The following UACA variants were observed in gnomAD, a reference collection of about 807,000 sequenced individuals.
UACA encodes the protein uveal autoantigen with coiled-coil domains and ankyrin repeats.
In UACA, 112 loss-of-function variants were observed where a neutral mutation model predicts 160.5. That is an observed-to-expected ratio of 0.70 (90% CI 0.60 to 0.82). The LOEUF is 0.82. UACA is among the 40% of genes least tolerant of loss of function. UACA has a pLI of 0.00. For synonymous variants in UACA, 557 were observed against 568.4 expected (o/e 0.98, Z 0.29); for missense variants, 1,574 against 1,614.6 (o/e 0.97, Z 0.43).
intron 1 of UACA, among the ~76,000 whole-genome samples, chr15:70,724,084 C>G (rs551166580): frequency 1.3e-5 from 2 of 152,202 alleles, no homozygotes; most frequent in Admixed American, 6.5e-5. Flanking sequence ...TGTCTCCCCC[C>G]ACTTTTCTGT....
rs150509680 is a variant in UACA at position 70,697,042 on chromosome 15, T to C, written c.213-1937A>G. On this transcript the variant is annotated intron_variant, in intron 2 of 18. Coordinates refer to ENST00000322954, the MANE Select transcript of UACA (RefSeq NM_018003.4). Reference sequence around the variant, plus strand: ...ATATGAAAAATTGCTTTATAAAAAATACTATTTTGCAATTTAAAAATCAAC... The same window carrying C: ...ATATGAAAAATTGCTTTATAAAAAACACTATTTTGCAATTTAAAAATCAAC... Among the ~76,000 whole-genome samples, 651 of 152,328 alleles carry C rather than the reference T, an allele frequency of 4.3e-3. 7 individuals carry two copies. Among genetic ancestry groups the C allele is most frequent in the Non-Finnish European group, 6.8e-3 (463 of 68,024 alleles).
the UACA span, among the ~76,000 whole-genome samples, chr15:70,771,362 C>A: frequency 1.3e-5 from 2 of 152,216 alleles, no homozygotes; most frequent in African/African-American, 4.8e-5. Flanking sequence ...AAGGAAAAGG[C>A]ACTGAATATT....
chr15:70,749,287 G>A (rs1466570376), intron 1 of UACA: 2 of 395,186 alleles, frequency 5.1e-6, no homozygotes, highest in Admixed American at 2.8e-5. Context: ...AGCACTTTGG[G>A]AGGCCGAAGT....
chr15:70,713,944 C>T (rs1898755852), intron 1 of UACA, among the ~76,000 whole-genome samples: 2 of 152,054 alleles, frequency 1.3e-5, no homozygotes, highest in South Asian at 4.1e-4. Context: ...AGTCACCATC[C>T]TCCAGATAAG....
chr15:70,744,656 G>A (rs984744908), intron 1 of UACA, among the ~76,000 whole-genome samples: 1 of 152,144 alleles, frequency 6.6e-6, no homozygotes, highest in East Asian at 1.9e-4. Flanking sequence ...GAAGAAAATG[G>A]GAGCAGGTAG....
At chr15:70,659,892 C>T (rs944177589) in intron 18 of UACA, among the ~76,000 whole-genome samples, 2 of 152,092 alleles carry the variant, frequency 1.3e-5, no homozygotes, top group Admixed American at 6.6e-5. Flanking sequence ...GCTACCATCA[C>T]ATGTTACCAA....
At chr15:70,771,080 C>T in the UACA span, among the ~76,000 whole-genome samples, 4 of 152,246 alleles carry the variant, frequency 2.6e-5, no homozygotes, top group African/African-American at 9.6e-5. Flanking sequence ...TGACAGGTAG[C>T]TGTGCGGTCT....
chr15:70,710,306 C>G (rs1363980743), intron 1 of UACA, among the ~76,000 whole-genome samples: 1 of 151,904 alleles, frequency 6.6e-6, no homozygotes, highest in African/African-American at 2.4e-5. Flanking sequence ...AGCAATGGAC[C>G]CTCTTTTTAT....
intron 14 of UACA, chr15:70,671,665 C>T: frequency 4.7e-6 from 1 of 211,420 alleles, no homozygotes; most frequent in Non-Finnish European, 9.3e-6. Flanking sequence ...AAAAAATGAA[C>T]CCTAAATATC....
At chr15:70,701,934 T>G in intron 1 of UACA, 1 of 1,612,870 alleles carries the variant, frequency 6.2e-7, no homozygotes, top group South Asian at 1.1e-5. Context: ...TTTAGTTTCT[T>G]GTTGCTAATG....
chr15:70,667,671 GTTCT>G lies in UACA; in HGVS notation c.3009_3012del (p.Lys1003AsnfsTer2), dbSNP rs779948888. The G allele has an allele frequency of 3.5e-5, 57 of 1,613,272 alleles. No individual in the cohort carries two copies. The highest frequency in any genetic ancestry group is 4.6e-5 in the Non-Finnish European group (54 of 1,179,982). ...GTCTGCTCTGATAACTGGTCTTTTA[GTTCT>G]TTCTCTGTTGCTTTAAATTTTCTCT... On this transcript the variant is annotated frameshift_variant, in exon 16 of 19. Transcript: ENST00000322954. LOFTEE classifies it high-confidence loss of function.
chr15:70,655,865 T>C lies in UACA; in HGVS notation c.*1191A>G, dbSNP rs1241008941. On this transcript the variant is annotated 3_prime_UTR_variant, in exon 19 of 19. Coordinates refer to ENST00000322954, the MANE Select transcript of UACA (RefSeq NM_018003.4). ...GAGAAAACCTAACTGTAATGATCCA[T>C]TTATTCAGTTATTTGTTAATACTCA... 1 of 152,228 alleles carries C rather than the reference T, an allele frequency of 6.6e-6. No individual in the cohort carries two copies. The highest frequency in any genetic ancestry group is 1.9e-4 in the East Asian group (1 of 5,194). 9.4% of individuals were successfully genotyped at this position (152,228 alleles called of 1,614,324 possible). A position where few individuals can be genotyped will look rare whatever the true frequency, so the allele number is the denominator to read the frequency against.
At chr15:70,769,396 C>A in the UACA span, among the ~76,000 whole-genome samples, 1 of 148,030 alleles carries the variant, frequency 6.8e-6, no homozygotes, top group Non-Finnish European at 1.5e-5. Context: ...TGGGAAATGA[C>A]CCGAGCTTTA....
intron 7 of UACA, among the ~76,000 whole-genome samples, chr15:70,685,827 C>T (rs370050299): frequency 1.3e-5 from 2 of 151,840 alleles, no homozygotes; most frequent in African/African-American, 2.4e-5. Flanking sequence ...CTGTTGCCAG[C>T]GCAGTGGCAT....
rs377649125 is a variant in UACA at position 70,664,661 on chromosome 15, C to G, written c.4113+1G>C. 1 of 1,607,328 alleles carries G rather than the reference C, an allele frequency of 6.2e-7. No homozygotes were observed. The highest frequency in any genetic ancestry group is 8.5e-7 in the Non-Finnish European group (1 of 1,177,020). The stretch of plus-strand genomic sequence containing the variant: ...AAAGCCCCGTGTGCCTGGTTACTCA[C>G]GGCCAGCTGTTGCTCCAGAGATTTC... On this transcript the variant is annotated splice_donor_variant, in intron 17 of 18. Coordinates refer to ENST00000322954, the MANE Select transcript of UACA (RefSeq NM_018003.4). LOFTEE classifies it high-confidence loss of function.
chr15:70,659,078 G>C (rs1279983393), intron 18 of UACA, among the ~76,000 whole-genome samples: 7 of 152,066 alleles, frequency 4.6e-5, no homozygotes, highest in Non-Finnish European at 8.8e-5. Context: ...CAGATTTTCT[G>C]CTATTTCCCC....
At chr15:70,688,247 A>C (rs1266340873) in intron 5 of UACA, among the ~76,000 whole-genome samples, 2 of 152,196 alleles carry the variant, frequency 1.3e-5, no homozygotes, top group African/African-American at 2.4e-5. Flanking sequence ...TACAATTCAT[A>C]TTTCTCATAA....
At position 70,656,887 on chromosome 15, in the gene UACA, G is replaced by C; in HGVS notation, c.*169C>G. On this transcript the variant is annotated 3_prime_UTR_variant, in exon 19 of 19. Coordinates refer to ENST00000322954, the MANE Select transcript of UACA (RefSeq NM_018003.4). ...AGAAAATAAGATTCAAACTGATATT[G>C]AAAAAGACTAACATATTCATCTAAT... 2.0e-6 allele frequency: 1 copy of C among 492,992 alleles called. No homozygotes were observed. Among genetic ancestry groups the C allele is most frequent in the Non-Finnish European group, 3.6e-6 (1 of 278,088 alleles). The allele number at this position is 492,992 out of a possible 1,614,324, so 30.5% of individuals were successfully genotyped here.
intron 1 of UACA, among the ~76,000 whole-genome samples, chr15:70,706,522 A>AAAC (rs1204383705): frequency 2.0e-5 from 3 of 150,470 alleles, no homozygotes; most frequent in Admixed American, 1.3e-4. Flanking sequence ...TATTTGTTAA[A>AAAC]AAAAAAAAAA....
Sources: allele counts gnomAD v4.1 joint callset (sites outside exome capture counted in the v4.1 genomes callset), GRCh38; gene constraint gnomAD v4.1.1; transcripts MANE v1.5; gene names NCBI Gene and HGNC (gene_info 2026-07-23, HGNC 2026-07-21).